Variants in PCLO observed in about 807,000 individuals in gnomAD.
PCLO encodes the protein protein piccolo.
In PCLO, 82 loss-of-function variants were observed where a neutral mutation model predicts 427.5. That is an observed-to-expected ratio of 0.19 (90% confidence interval 0.16 to 0.23). PCLO has a LOEUF of 0.23. Among genes scored for constraint, PCLO ranks in the 10% least tolerant of loss-of-function variants. The pLI, the probability that PCLO is intolerant of heterozygous loss-of-function variation, is 1.00. For synonymous variants in PCLO, 2,357 were observed against 2,155.4 expected (o/e 1.09, Z -2.59); for missense variants, 6,239 against 6,115.9 (o/e 1.02, Z -0.67).
In PCLO at chr7:82,956,540, A is replaced by G. The variant is rs1438784740; in HGVS notation, c.4413T>C (p.Ser1471=). The change falls in exon 5 of 25, where the codon AGT becomes AGC. Residue 1471 remains serine (S), a synonymous_variant. Transcript: ENST00000333891. The stretch of plus-strand genomic sequence containing the variant: ...TAAAAGTGTCTTTCCTTTCTTCTTG[A>G]CTCTCTTTGATCTCCTCTTCTGAAA... ...ITISEEEIKE[S]QEERKDTFKK... 6.2e-7 allele frequency: 1 copy of G among 1,611,580 alleles called. No homozygotes were observed.
intron 3 of PCLO, among the ~76,000 whole-genome samples, chr7:82,978,062 A>T (rs988467594): frequency 6.6e-6 from 1 of 152,122 alleles, no homozygotes; most frequent in Admixed American, 6.6e-5. Flanking sequence ...TATTGCTAAT[A>T]ATAGATAAAC....
At chr7:83,160,793 C>A (rs917285670) in intron 1 of PCLO, among the ~76,000 whole-genome samples, 4 of 152,066 alleles carry the variant, frequency 2.6e-5, no homozygotes, top group African/African-American at 9.7e-5. Context: ...GTATTGGTAA[C>A]CAGCATGATA....
intron 8 of PCLO, among the ~76,000 whole-genome samples, chr7:82,906,788 T>C (rs1488213355): frequency 6.6e-6 from 1 of 151,982 alleles, no homozygotes; most frequent in African/African-American, 2.4e-5. Flanking sequence ...ATATTACATA[T>C]ATAGTTTTTT....
chr7:82,873,651 T>C (rs1562830309), intron 10 of PCLO, among the ~76,000 whole-genome samples: 1 of 152,180 alleles, frequency 6.6e-6, no homozygotes, highest in Non-Finnish European at 1.5e-5. Flanking sequence ...TATTTTGAGT[T>C]GAGATTTTAA....
intron 10 of PCLO, among the ~76,000 whole-genome samples, chr7:82,876,859 G>T (rs1055371428): frequency 2.0e-5 from 3 of 152,022 alleles, no homozygotes; most frequent in African/African-American, 7.2e-5. Context: ...GATTATACAA[G>T]AACTGGACTT....
intron 3 of PCLO, among the ~76,000 whole-genome samples, chr7:83,050,786 G>C (rs953949859): frequency 2.0e-5 from 3 of 150,994 alleles, no homozygotes; most frequent in Non-Finnish European, 4.4e-5. Flanking sequence ...GGTGGTACAT[G>C]TCTGCAATCC....
chr7:82,899,852 C>T (rs74970569), intron 9 of PCLO, among the ~76,000 whole-genome samples: 41 of 151,282 alleles, frequency 2.7e-4, no homozygotes, highest in African/African-American at 9.7e-4. Context: ...CTTAATATAG[C>T]GTAAAATAAT....
chr7:82,842,092 A>G (rs2715159), intron 13 of PCLO, among the ~76,000 whole-genome samples: 62,307 of 151,898 alleles, frequency 0.41, 13,502 homozygotes, highest in East Asian at 0.7. Context: ...AAGCAATTTT[A>G]AGCTAAAAGA....
chr7:82,804,880 C>T (rs372464360), intron 21 of PCLO, among the ~76,000 whole-genome samples: 12 of 152,184 alleles, frequency 7.9e-5, no homozygotes, highest in South Asian at 2.1e-4. Context: ...TTTGCCCTGG[C>T]GTAAACCCTG....
At chr7:83,133,156 G>A (rs905617483) in intron 3 of PCLO, among the ~76,000 whole-genome samples, 14 of 151,630 alleles carry the variant, frequency 9.2e-5, no homozygotes, top group Non-Finnish European at 2.9e-5. Context: ...ATTTTTCTAT[G>A]GTTTATTTTT....
chr7:83,050,532 C>T (rs920943310), intron 3 of PCLO, among the ~76,000 whole-genome samples: 2 of 151,706 alleles, frequency 1.3e-5, no homozygotes, highest in Admixed American at 1.3e-4. Context: ...AATACAGTCT[C>T]TCAACAAAAT....
intron 10 of PCLO, among the ~76,000 whole-genome samples, chr7:82,871,384 T>C (rs1342246881): frequency 6.6e-6 from 1 of 151,776 alleles, no homozygotes; most frequent in Admixed American, 6.6e-5. Context: ...TTCTCACTCA[T>C]ATGTGGGAGC....
rs747018433 is a variant in PCLO at position 82,915,930 on chromosome 7, C to T, written c.12056G>A (p.Ser4019Asn). The T allele has an allele frequency of 1.9e-6, 3 of 1,613,276 alleles. No individual in the cohort carries two copies. Among genetic ancestry groups the T allele is most frequent in the Admixed American group, 1.7e-5 (1 of 59,994 alleles). The change falls in exon 7 of 25, where the codon AGT becomes AAT. Residue 4019 changes from serine to asparagine, a missense_variant. Ser to Asn is a conservative substitution (Grantham distance 46). This residue lies in a region of PCLO where 680 missense variants were observed against 677.3 expected (regional missense o/e 1.00). Transcript: ENST00000333891. ...TGATATTGGACTGCTTGCCATGCTA[C>T]TTCTTTCCTCCAAACCTATTCTCAA... ...LDLRIGLEER[S>N]SMASSPISSI...
rs149885774 is a variant in PCLO at position 83,160,487 on chromosome 7, G to A, written c.248+1858C>T. The stretch of plus-strand genomic sequence containing the variant: ...GGGAAAATAACTTTTAAAAAGTTAT[G>A]TACCTTTTATAGAAATCTTTCAGTA... On this transcript the variant is annotated intron_variant, in intron 1 of 24. Coordinates refer to ENST00000333891, the MANE Select transcript of PCLO (RefSeq NM_033026.6). Among the ~76,000 whole-genome samples the A allele has an allele frequency of 2.0e-5, 3 of 152,174 alleles. No homozygotes were observed. In the East Asian group the frequency reaches 5.8e-4, roughly 29 times the overall value.
chr7:82,868,599 C>G (rs1224052796), intron 10 of PCLO, among the ~76,000 whole-genome samples: 1 of 152,154 alleles, frequency 6.6e-6, no homozygotes, highest in Non-Finnish European at 1.5e-5. Flanking sequence ...TCACAGAATA[C>G]CTATGGACAA....
chr7:82,832,782 T>G (rs1005435802), intron 16 of PCLO, among the ~76,000 whole-genome samples: 6 of 147,786 alleles, frequency 4.1e-5, no homozygotes, highest in African/African-American at 1.5e-4. Context: ...TTATCTGGTT[T>G]TCCTTTACTA....
At chr7:82,890,233 C>A (rs534152707) in intron 9 of PCLO, among the ~76,000 whole-genome samples, 8 of 151,942 alleles carry the variant, frequency 5.3e-5, no homozygotes, top group African/African-American at 1.4e-4. Context: ...TGGGTAAATA[C>A]GTGTTCTCTA....
intron 10 of PCLO, among the ~76,000 whole-genome samples, chr7:82,865,785 T>C (rs997327024): frequency 6.6e-6 from 1 of 152,188 alleles, no homozygotes; most frequent in Non-Finnish European, 1.5e-5. Flanking sequence ...ATTATACATA[T>C]ATATAACTAT....
intron 22 of PCLO, among the ~76,000 whole-genome samples, chr7:82,792,511 A>G (rs2129468438): frequency 6.6e-6 from 1 of 151,992 alleles, no homozygotes; most frequent in South Asian, 2.1e-4. Context: ...TATTTTTTTT[A>G]GAGATGGGGT....
Sources: gnomAD v4.1 joint callset for allele counts (sites outside exome capture counted in the v4.1 genomes callset) on GRCh38, gnomAD v4.1.1 for gene constraint, gnomAD v4.1.1 regional missense constraint, MANE v1.5 for transcripts, NCBI Gene and HGNC (gene_info 2026-07-23, HGNC 2026-07-21) for gene names.